The following ASAP1 variants were observed in gnomAD, a reference collection of about 807,000 sequenced individuals.
The protein encoded by ASAP1 is arf-GAP with SH3 domain, ANK repeat and PH domain-containing protein 1.
In ASAP1, 43 loss-of-function variants were observed where a neutral mutation model predicts 145.2. That is an observed-to-expected ratio of 0.30 (90% confidence interval 0.23 to 0.38). The LOEUF (loss-of-function observed/expected upper bound fraction) is 0.38, where lower values mean the gene tolerates loss of function less well. Among genes scored for constraint, ASAP1 ranks in the 10% least tolerant of loss-of-function variants. The probability of loss-of-function intolerance (pLI) is 1.00; values close to 1 mark genes in which losing one functional copy is unlikely to be tolerated. For missense variants in ASAP1, 1,018 were observed against 1,355.3 expected, an observed-to-expected ratio of 0.75 and a Z score of 3.91; for synonymous variants, 546 against 515.5, an observed-to-expected ratio of 1.06 and a Z score of -0.80.
chr8:130,273,616 T>A (rs1565159492), intron 3 of ASAP1, among the ~76,000 whole-genome samples: 1 of 152,210 alleles, frequency 6.6e-6, no homozygotes, highest in Admixed American at 6.5e-5. Flanking sequence ...TGGGTATCTC[T>A]GGGCATCCTG....
intron 3 of ASAP1, among the ~76,000 whole-genome samples, chr8:130,268,885 T>C (rs1820425652): frequency 6.6e-6 from 1 of 152,174 alleles, no homozygotes; most frequent in African/African-American, 2.4e-5. Context: ...ATTTTGCCAA[T>C]GTTAGCTTAC....
chr8:130,148,652 T>C (rs1181840020), intron 13 of ASAP1, among the ~76,000 whole-genome samples: 1 of 152,216 alleles, frequency 6.6e-6, no homozygotes, highest in Non-Finnish European at 1.5e-5. Context: ...ACTTTTGAAA[T>C]TGATTTCTCA....
intron 29 of ASAP1, 86 bp downstream of exon 29, chr8:130,057,868 C>G: frequency 6.4e-7 from 1 of 1,550,666 alleles, no homozygotes; most frequent in Non-Finnish European, 8.8e-7. Context: ...CCCTCTTTTA[C>G]TGCACTGTCT....
At chr8:130,161,513 G>C (rs747455836) in intron 11 of ASAP1, among the ~76,000 whole-genome samples, 13 of 152,154 alleles carry the variant, frequency 8.5e-5, no homozygotes, top group Non-Finnish European at 1.8e-4. Flanking sequence ...CATAAGCCCT[G>C]GCTTTGACAT....
At chr8:130,172,654 G>T (rs936099761) in intron 9 of ASAP1, among the ~76,000 whole-genome samples, 1 of 151,958 alleles carries the variant, frequency 6.6e-6, no homozygotes, top group African/African-American at 2.4e-5. Context: ...CCATGTAGAT[G>T]GTAAAGAGTA....
intron 3 of ASAP1, among the ~76,000 whole-genome samples, chr8:130,326,028 T>C (rs949250699): frequency 6.6e-6 from 1 of 152,228 alleles, no homozygotes; most frequent in Non-Finnish European, 1.5e-5. Flanking sequence ...TAAACTGCCA[T>C]GGCGGAGCTG....
chr8:130,425,240 G>A (rs1829872588), intron 1 of ASAP1, among the ~76,000 whole-genome samples: 1 of 151,884 alleles, frequency 6.6e-6, no homozygotes, highest in Non-Finnish European at 1.5e-5. Flanking sequence ...GCTGAGGAAG[G>A]AGAATCACTT....
intron 3 of ASAP1, among the ~76,000 whole-genome samples, chr8:130,256,207 A>C (rs780745912): frequency 2.6e-4 from 39 of 152,190 alleles, no homozygotes; most frequent in Non-Finnish European, 4.4e-4. Context: ...GAGTTGATGA[A>C]GTTTTCTATA....
rs1424773343 is a variant in ASAP1 at position 130,052,726 on chromosome 8, TTTG to T, written c.*2002_*2004del. On this transcript the variant is annotated 3_prime_UTR_variant, in exon 30 of 30. Coordinates refer to ENST00000518721, the MANE Select transcript of ASAP1 (RefSeq NM_018482.4). ...AGACATGCAGCTTTTGTGTTTTTTTTTTGTTTTTGTTTTTTTTTTTTTTTTGAA... is the reference window on the plus strand; with the variant it reads ...AGACATGCAGCTTTTGTGTTTTTTTTTTTTTGTTTTTTTTTTTTTTTTGAA... 7.1e-6 allele frequency: 1 copy of T among 139,976 alleles called. No homozygotes were observed. The highest frequency in any genetic ancestry group is 1.6e-5 in the Non-Finnish European group (1 of 61,924). 8.7% of individuals were successfully genotyped at this position (139,976 alleles called of 1,614,324 possible).
chr8:130,431,211 G>C (rs750714783), intron 1 of ASAP1, among the ~76,000 whole-genome samples: 4 of 152,026 alleles, frequency 2.6e-5, no homozygotes, highest in Admixed American at 6.6e-5. Context: ...AAGAGCATCA[G>C]AGCTGGCCTT....
chr8:130,080,718 G>C (rs999574617), intron 25 of ASAP1, among the ~76,000 whole-genome samples: 3 of 151,662 alleles, frequency 2.0e-5, no homozygotes, highest in Non-Finnish European at 2.9e-5. Context: ...CTGCAGCATC[G>C]GCCTCCTGGG....
chr8:130,116,791 C>T, intron 21 of ASAP1, 46 bp from the exon 22 acceptor site: 1 of 1,597,962 alleles, frequency 6.3e-7, no homozygotes, highest in African/African-American at 1.3e-5. Flanking sequence ...TAGGAAACAC[C>T]TTAAGAAGGC....
At position 130,061,080 on chromosome 8, in the gene ASAP1, A is replaced by G. The variant is rs1334827853; in HGVS notation, c.2702-11T>C. ...TTTTCCTTAGTGCCACTGTGGAAGCAATCAAAAACAAGGAGGTCATTGGTG... is the reference window on the plus strand; with the variant it reads ...TTTTCCTTAGTGCCACTGTGGAAGCGATCAAAAACAAGGAGGTCATTGGTG... On this transcript the variant is annotated splice_polypyrimidine_tract_variant and intron_variant, in intron 27 of 29. Transcript: ENST00000518721. 6.6e-7 allele frequency: 1 copy of G among 1,520,552 alleles called. No individual in the cohort carries two copies. Among genetic ancestry groups the G allele is most frequent in the Admixed American group, 2.3e-5 (1 of 43,982 alleles). The allele number at this position is 1,520,552 out of a possible 1,614,324, so 94.2% of individuals were successfully genotyped here.
intron 26 of ASAP1, among the ~76,000 whole-genome samples, chr8:130,077,189 C>T (rs896268123): frequency 2.6e-5 from 4 of 152,196 alleles, no homozygotes; most frequent in Admixed American, 1.3e-4. Context: ...GCTTGGTTCT[C>T]GGGCCTCCAG....
At chr8:130,154,742 C>T (rs558558932) in intron 12 of ASAP1, among the ~76,000 whole-genome samples, 1 of 152,308 alleles carries the variant, frequency 6.6e-6, no homozygotes, top group African/African-American at 2.4e-5. Flanking sequence ...GCATGCTTCA[C>T]AGAAGGAAGT....
chr8:130,398,477 T>C (rs544804088), intron 2 of ASAP1, among the ~76,000 whole-genome samples: 2 of 152,186 alleles, frequency 1.3e-5, no homozygotes, highest in Non-Finnish European at 1.5e-5. Flanking sequence ...GAAGTGACAG[T>C]AGAAGCAGTA....
At chr8:130,324,275 T>A (rs1824193994) in intron 3 of ASAP1, among the ~76,000 whole-genome samples, 1 of 152,080 alleles carries the variant, frequency 6.6e-6, no homozygotes, top group African/African-American at 2.4e-5. Flanking sequence ...TAGGCTCACT[T>A]CTCTTTTAAC....
intron 11 of ASAP1, among the ~76,000 whole-genome samples, chr8:130,161,528 G>A (rs1375156385): frequency 6.6e-6 from 1 of 152,166 alleles, no homozygotes; most frequent in Admixed American, 6.6e-5. Flanking sequence ...TGACATGGAC[G>A]CTCACACTCT....
chr8:130,334,638 A>G (rs548593586), intron 3 of ASAP1, among the ~76,000 whole-genome samples: 23 of 152,316 alleles, frequency 1.5e-4, no homozygotes, highest in African/African-American at 3.8e-4. Flanking sequence ...ATTCAGAGGG[A>G]AAAAAACACA....
Sources: allele counts gnomAD v4.1 joint callset (sites outside exome capture counted in the v4.1 genomes callset), GRCh38; gene constraint gnomAD v4.1.1; transcripts MANE v1.5; gene names NCBI Gene and HGNC (gene_info 2026-07-23, HGNC 2026-07-21).